The following MAPK8IP3 variants were observed in gnomAD, a reference collection of about 807,000 sequenced individuals.
The protein encoded by MAPK8IP3 is mitogen-activated protein kinase 8 interacting protein 3.
A neutral mutation model predicts 157.8 loss-of-function variants in MAPK8IP3; 49 were observed. The ratio of observed to expected loss-of-function variants is 0.31; its 90% CI spans 0.25 to 0.39. MAPK8IP3 has a LOEUF of 0.39. Ranked by LOEUF, MAPK8IP3 falls within the 10% of genes least tolerant of loss-of-function variation. MAPK8IP3 has a pLI of 1.00. For synonymous variants in MAPK8IP3, 897 were observed against 777.7 expected (o/e 1.15, Z -2.55); for missense variants, 1,478 against 1,889.4 (o/e 0.78, Z 4.04).
chr16:1,768,891 C>CA lies in MAPK8IP3; in HGVS notation c.*67_*68insA. On this transcript the variant is annotated 3_prime_UTR_variant, in exon 32 of 32. Coordinates refer to ENST00000610761, the MANE Select transcript of MAPK8IP3 (RefSeq NM_001318852.2). ...GACCACCTGACCCCCGCCCGGCCCG[C>CA]GGGGTAGCCAGCCAGGCGCCGCCGC... is the stretch of plus-strand genomic sequence containing the variant. 6.3e-7 allele frequency: 1 copy of CA among 1,574,836 alleles called. No homozygotes were observed.
Position 1,724,485 on chromosome 16 carries a change from G to T in MAPK8IP3, c.319-72G>T, listed in dbSNP as rs984278882. 1.3e-6 allele frequency: 2 copies of T among 1,566,370 alleles called. No individual in the cohort carries two copies. Among genetic ancestry groups the T allele is most frequent in the Non-Finnish European group, 1.7e-6 (2 of 1,153,540 alleles). On this transcript the variant is annotated intron_variant, in intron 1 of 31. Coordinates refer to ENST00000610761, the MANE Select transcript of MAPK8IP3 (RefSeq NM_001318852.2). The surrounding 1 kb of genome is among the most constrained non-coding windows in gnomAD (Gnocchi z 4.1). ...GGCCCCTGGGCCCTCAAAGCCTGCGGCCCTTCAAGTGAAAGGCGGCTGCTC... is the reference window on the plus strand; with the variant it reads ...GGCCCCTGGGCCCTCAAAGCCTGCGTCCCTTCAAGTGAAAGGCGGCTGCTC...
intron 5 of MAPK8IP3, chr16:1,746,688 C>G: frequency 3.4e-6 from 1 of 292,420 alleles, no homozygotes; most frequent in Non-Finnish European, 6.5e-6. Flanking sequence ...TGAACAGCCA[C>G]AAGCTACAGG....
At chr16:1,749,025 AAGT>A (rs1385878538) in intron 8 of MAPK8IP3, 13 of 446,878 alleles carry the variant, frequency 2.9e-5, no homozygotes, top group Non-Finnish European at 5.1e-5. Context: ...GATGCTGTGT[AAGT>A]AGTTGCTGTT....
chr16:1,708,798 G>A (rs151169735), intron 1 of MAPK8IP3, among the ~76,000 whole-genome samples: 3 of 152,260 alleles, frequency 2.0e-5, no homozygotes, highest in East Asian at 3.9e-4. Context: ...CTAACGGGGC[G>A]CCCTTGGAAA....
At chr16:1,739,325 CGT>C (rs1350538056) in intron 4 of MAPK8IP3, among the ~76,000 whole-genome samples, 2 of 113,366 alleles carry the variant, frequency 1.8e-5, no homozygotes, top group African/African-American at 7.1e-5. Context: ...TGTGACCATC[CGT>C]GTGAGAGTGT....
chr16:1,743,490 G>T lies in MAPK8IP3; in HGVS notation c.747+14G>T. Reference sequence around the variant, plus strand: ...TCCAGCTACCAGGTTTTGTAGCCGTGCCGTGGAGTGAGAGGCTCCTCCCTG... The same window carrying T: ...TCCAGCTACCAGGTTTTGTAGCCGTTCCGTGGAGTGAGAGGCTCCTCCCTG... On this transcript the variant is annotated intron_variant, in intron 5 of 31. Transcript: ENST00000610761. The surrounding 1 kb of genome is among the most constrained non-coding windows in gnomAD (Gnocchi z 5.6). 1 of 1,606,852 alleles carries T rather than the reference G, an allele frequency of 6.2e-7. No individual in the cohort carries two copies.
At chr16:1,761,369 G>T (rs2041927649) in intron 13 of MAPK8IP3, 64 bp downstream of exon 13, 1 of 1,447,226 alleles carries the variant, frequency 6.9e-7, no homozygotes, top group South Asian at 1.1e-5. Context: ...AGGCGGGGCG[G>T]CCACCGTTCA....
Position 1,766,077 on chromosome 16 carries a change from G to A in MAPK8IP3, c.2564G>A (p.Arg855His), listed in dbSNP as rs778888985. Residue 855 changes from arginine to histidine, a missense_variant, in exon 21 of 32, where the codon CGC becomes CAC. Arg to His is a conservative substitution (Grantham distance 29). Around this residue, in one of 11 missense-constraint regions of MAPK8IP3, gnomAD observed 669 missense variants for 759.8 expected, o/e 0.88. Coordinates refer to ENST00000610761, the MANE Select transcript of MAPK8IP3 (RefSeq NM_001318852.2). ...ATCACCCTGGTGGGCTGTGCCACCC[G>A]CTGCAACGTGCCGCGGAGCAACTGC... is the stretch of plus-strand genomic sequence containing the variant. ...AGITLVGCATRCNVPRSNCSS... is the reference protein window; with the variant it reads ...AGITLVGCATHCNVPRSNCSS... The A allele has an allele frequency of 1.9e-5, 30 of 1,612,830 alleles. No individual in the cohort carries two copies. Among genetic ancestry groups the A allele is most frequent in the Admixed American group, 3.3e-5 (2 of 60,000 alleles).
intron 20 of MAPK8IP3, among the ~76,000 whole-genome samples, chr16:1,765,669 G>A (rs2042215235): frequency 6.6e-6 from 1 of 152,206 alleles, no homozygotes; most frequent in Non-Finnish European, 1.5e-5. Context: ...AGGGCCGTCT[G>A]GGGTCCTGAG....
At chr16:1,761,517 A>G (rs866521331) in intron 13 of MAPK8IP3, among the ~76,000 whole-genome samples, 7 of 148,374 alleles carry the variant, frequency 4.7e-5, no homozygotes, top group Middle Eastern at 3.5e-3. Flanking sequence ...CGGGGCGGCC[A>G]CCATTCACCA....
intron 4 of MAPK8IP3, among the ~76,000 whole-genome samples, chr16:1,734,799 G>A (rs1263406105): frequency 2.6e-5 from 4 of 152,272 alleles, no homozygotes; most frequent in African/African-American, 7.2e-5. Flanking sequence ...CACCATGAGG[G>A]CGCCGTCCAT....
chr16:1,740,070 G>T (rs1479094377), intron 4 of MAPK8IP3, among the ~76,000 whole-genome samples: 5 of 106,326 alleles, frequency 4.7e-5, no homozygotes, highest in African/African-American at 2.4e-4. Context: ...GTCCGTGTGA[G>T]CGTGAGCATC....
At chr16:1,736,554 GAC>G in intron 4 of MAPK8IP3, among the ~76,000 whole-genome samples, 1 of 89,108 alleles carries the variant, frequency 1.1e-5, no homozygotes, top group African/African-American at 4.6e-5. Flanking sequence ...GTGAGCGTGT[GAC>G]TGTCCGTGTG....
In MAPK8IP3 at chr16:1,765,090, G is replaced by A. The variant is rs958399843; in HGVS notation, c.2358G>A (p.Val786=). ...ILTSTLTTSK[V]VIIDANQPGT... ...CCAGCACCCTGACCACCAGCAAGGT[G>A]GTGATCATCGACGCCAACCAGCCGG... The change falls in exon 20 of 32, where the codon GTG becomes GTA. Residue 786 remains valine (V), a synonymous_variant. Coordinates refer to ENST00000610761, the MANE Select transcript of MAPK8IP3 (RefSeq NM_001318852.2). The A allele has an allele frequency of 1.2e-6, 2 of 1,612,656 alleles. No individual in the cohort carries two copies. The highest frequency in any genetic ancestry group is 1.3e-5 in the African/African-American group (1 of 75,060).
At chr16:1,725,300 T>G (rs1307252306) in intron 2 of MAPK8IP3, among the ~76,000 whole-genome samples, 3 of 150,818 alleles carry the variant, frequency 2.0e-5, no homozygotes, top group Non-Finnish European at 4.4e-5. Flanking sequence ...AGGTTGATAC[T>G]GCCGTGTGGG....
In MAPK8IP3 at chr16:1,764,048, C is replaced by T. The variant is rs1049979645; in HGVS notation, c.2026-67C>T. The T allele has an allele frequency of 2.1e-6, 3 of 1,457,024 alleles. No homozygotes were observed. In the South Asian group the frequency reaches 3.9e-5, roughly 19 times the overall value. The allele number at this position is 1,457,024 out of a possible 1,614,324, so 90.3% of individuals were successfully genotyped here. A position where few individuals can be genotyped will look rare whatever the true frequency, so the allele number is the denominator to read the frequency against. On this transcript the variant is annotated intron_variant, in intron 17 of 31. Transcript: ENST00000610761. ...GCCAGAAGCTGGCAGCCCTACCTGT[C>T]TCAGATTTCTGGAGGGATGGGTAGG...
chr16:1,727,730 G>A (rs1044414211), intron 2 of MAPK8IP3, among the ~76,000 whole-genome samples: 1 of 152,294 alleles, frequency 6.6e-6, no homozygotes, highest in South Asian at 2.1e-4. Flanking sequence ...GCTGCTCCTC[G>A]GGGTGAGATC....
At chr16:1,729,258 G>A (rs541498917) in intron 3 of MAPK8IP3, 50 bp downstream of exon 3, 203 of 1,588,244 alleles carry the variant, frequency 1.3e-4, no homozygotes, top group South Asian at 7.2e-4. Flanking sequence ...ACAGGGCCGC[G>A]GCCTGACGCC....
At chr16:1,715,488 G>A (rs897994184) in intron 1 of MAPK8IP3, among the ~76,000 whole-genome samples, 1 of 152,150 alleles carries the variant, frequency 6.6e-6, no homozygotes, top group Non-Finnish European at 1.5e-5. Context: ...GCCATGAAGG[G>A]CATCTGCCAG....
Sources: allele counts gnomAD v4.1 joint callset (sites outside exome capture counted in the v4.1 genomes callset), GRCh38; gene constraint gnomAD v4.1.1; regional missense constraint gnomAD v4.1.1; non-coding constraint Gnocchi (gnomAD v3.1); transcripts MANE v1.5; gene names NCBI Gene and HGNC (gene_info 2026-07-23, HGNC 2026-07-21).